WIZ: variants seen among roughly 807,000 people sequenced by gnomAD.
The protein encoded by WIZ is protein Wiz.
Under a neutral mutation model 140.2 loss-of-function variants are expected in WIZ, and 25 were observed. That is an observed-to-expected ratio of 0.18 (90% CI 0.13 to 0.25). The LOEUF (loss-of-function observed/expected upper bound fraction) is 0.25, where lower values mean the gene tolerates loss of function less well. Ranked by LOEUF, WIZ falls within the 10% of genes least tolerant of loss-of-function variation. The pLI is 1.00. For missense variants in WIZ, 2,231 were observed against 2,632.6 expected, an observed-to-expected ratio of 0.85 and a Z score of 3.34; for synonymous variants, 1,125 against 1,154.3, an observed-to-expected ratio of 0.97 and a Z score of 0.51.
At position 15,423,050 on chromosome 19, in the gene WIZ, G is replaced by A. The variant is rs773431130; in HGVS notation, c.*26C>T. On this transcript the variant is annotated 3_prime_UTR_variant, in exon 13 of 13. Transcript: ENST00000673675. Reference sequence around the variant, plus strand: ...GAAGAAGAGGAGACAGAGGTGGCACGAGAGGGGATCTGGAATGCTTTTGTG... The same window carrying A: ...GAAGAAGAGGAGACAGAGGTGGCACAAGAGGGGATCTGGAATGCTTTTGTG... 15 of 1,606,382 alleles carry A rather than the reference G, an allele frequency of 9.3e-6. No individual in the cohort carries two copies. The African/African-American group carries it at 1.7e-4, about 19-fold the overall frequency.
At position 15,438,978 on chromosome 19, in the gene WIZ, C is replaced by T. The variant is rs1402535901; in HGVS notation, c.2016G>A (p.Gln672=). 6 of 1,459,692 alleles carry T rather than the reference C, an allele frequency of 4.1e-6. No homozygotes were observed. In the East Asian group the frequency reaches 1.5e-4, roughly 36 times the overall value. The allele number at this position is 1,459,692 out of a possible 1,614,324, so 90.4% of individuals were successfully genotyped here. Reference sequence around the variant, plus strand: ...TCCCTCGGAGCTGCTGCTGCTGCCCCTGGGTGGCCTCTACTGCCTGCAGGG... The same window carrying T: ...TCCCTCGGAGCTGCTGCTGCTGCCCTTGGGTGGCCTCTACTGCCTGCAGGG... The part of the protein sequence containing the change: ...REALQAVEAT[Q]GQQQQLRGMV... Residue 672 remains glutamine (Q), a synonymous_variant, in exon 4 of 13, where the codon CAG becomes CAA. Coordinates refer to ENST00000673675, the MANE Select transcript of WIZ (RefSeq NM_001371589.1).
intron 5 of WIZ, chr19:15,432,515 G>A (rs1969322634): frequency 2.1e-6 from 2 of 962,130 alleles, no homozygotes; most frequent in Admixed American, 6.4e-5. Context: ...GGCGGTGGCG[G>A]TGGTGGTGGC....
In WIZ at chr19:15,439,661, GGCTGCCAGCCCC is replaced by G; in HGVS notation, c.1321_1332del (p.Gly441_Ser444del). On this transcript the variant is annotated inframe_deletion, in exon 4 of 13. Transcript: ENST00000673675. This position sits in a 1 kb window ranked among gnomAD's most constrained non-coding sequence, Gnocchi z 7.0. The stretch of plus-strand genomic sequence containing the variant: ...AGGAGGGCGCTGGCCTCAGGGCTGG[GGCTGCCAGCCCC>G]GCTGCTGCCTCCAAAAGGCTCTTTG... 1 of 1,501,188 alleles carries G rather than the reference GGCTGCCAGCCCC, an allele frequency of 6.7e-7. No homozygotes were observed. Among genetic ancestry groups the G allele is most frequent in the Middle Eastern group, 1.7e-4 (1 of 5,762 alleles). 93.0% of individuals were successfully genotyped at this position (1,501,188 alleles called of 1,614,324 possible).
Position 15,425,627 on chromosome 19 carries a change from A to G in WIZ, c.4508T>C (p.Ile1503Thr). 1 of 1,613,202 alleles carries G rather than the reference A, an allele frequency of 6.2e-7. No homozygotes were observed. Among genetic ancestry groups the G allele is most frequent in the Non-Finnish European group, 8.5e-7 (1 of 1,179,796 alleles). The change falls in exon 10 of 13, where the codon ATC becomes ACC. Residue 1503 changes from isoleucine (I) to threonine (T), a missense_variant. Ile to Thr is a moderately conservative substitution (Grantham distance 89). This residue lies in a region of WIZ where 393 missense variants were observed against 451.7 expected (regional missense o/e 0.87). Transcript: ENST00000673675. Reference sequence around the variant, plus strand: ...CTTGAGGATCTCTCGCAGTGTGTCGATGGGCGAACCATTGACGGACCACTC... The same window carrying G: ...CTTGAGGATCTCTCGCAGTGTGTCGGTGGGCGAACCATTGACGGACCACTC... ...VTEWSVNGSP[I>T]DTLREILKKK...
At chr19:15,436,659 T>C (rs1334366693) in intron 5 of WIZ, 147 bp downstream of exon 5, 1 of 786,242 alleles carries the variant, frequency 1.3e-6, no homozygotes. Context: ...AGCAGGGTGG[T>C]TGTAAGGAAA....
Position 15,427,960 on chromosome 19 carries a change from C to A in WIZ, c.3814+150G>T. The A allele has an allele frequency of 8.4e-7, 1 of 1,184,240 alleles. No individual in the cohort carries two copies. The highest frequency in any genetic ancestry group is 1.1e-6 in the Non-Finnish European group (1 of 870,400). The allele number at this position is 1,184,240 out of a possible 1,614,324, so 73.4% of individuals were successfully genotyped here. On this transcript the variant is annotated intron_variant, in intron 8 of 12. Coordinates refer to ENST00000673675, the MANE Select transcript of WIZ (RefSeq NM_001371589.1). This position sits in a 1 kb window ranked among gnomAD's most constrained non-coding sequence, Gnocchi z 6.4. The stretch of plus-strand genomic sequence containing the variant: ...AGGCCAAGAGAGAGGGCCTAGCAGC[C>A]CACTGCCAACAAGATCTCTGGGCAG...
rs773017402 is a variant in WIZ, at chr19:15,424,689, G to A, written c.5238C>T (p.Asp1746=). Reference sequence around the variant, plus strand: ...TGGCTGCCAGAGGCCGCTCACCACCGTCGGCTGCCCGGCCAGCCTCGGGCC... The same window carrying A: ...TGGCTGCCAGAGGCCGCTCACCACCATCGGCTGCCCGGCCAGCCTCGGGCC... ...EPGPEAGRAA[D]GGERPLAASP... Residue 1746 remains aspartate, a synonymous_variant, in exon 11 of 13, where the codon GAC becomes GAT. Coordinates refer to ENST00000673675, the MANE Select transcript of WIZ (RefSeq NM_001371589.1). The surrounding 1 kb of genome is among the most constrained non-coding windows in gnomAD (Gnocchi z 9.7). 21 of 1,586,740 alleles carry A rather than the reference G, an allele frequency of 1.3e-5. No individual in the cohort carries two copies. The highest frequency in any genetic ancestry group is 4.5e-5 in the East Asian group (2 of 44,210).
At chr19:15,443,022 C>T (rs1302292542) in intron 2 of WIZ, among the ~76,000 whole-genome samples, 2 of 152,200 alleles carry the variant, frequency 1.3e-5, no homozygotes, top group Non-Finnish European at 2.9e-5. Context: ...TTTTTACAAG[C>T]CTCACCCTGG....
Position 15,427,738 on chromosome 19 carries a change from G to C in WIZ, c.3815-205C>G, listed in dbSNP as rs1599663207. On this transcript the variant is annotated intron_variant, in intron 8 of 12. Coordinates refer to ENST00000673675, the MANE Select transcript of WIZ (RefSeq NM_001371589.1). This position sits in a 1 kb window ranked among gnomAD's most constrained non-coding sequence, Gnocchi z 6.4. ...TGAGGGGAGGCTCCAGAGAGCACAT[G>C]GGCCCTCAGTCCTGGCGGAGGAGGA... 6.6e-6 allele frequency among the ~76,000 whole-genome samples: 1 copy of C among 152,166 alleles called. No individual in the cohort carries two copies. The highest frequency in any genetic ancestry group is 1.9e-4 in the East Asian group (1 of 5,178).
chr19:15,424,485 G>A lies in WIZ; in HGVS notation c.5315-107C>T. The A allele has an allele frequency of 2.0e-6, 3 of 1,529,310 alleles. No individual in the cohort carries two copies. Among genetic ancestry groups the A allele is most frequent in the African/African-American group, 1.4e-5 (1 of 71,424 alleles). The allele number at this position is 1,529,310 out of a possible 1,614,324, so 94.7% of individuals were successfully genotyped here. A position where few individuals can be genotyped will look rare whatever the true frequency, so the allele number is the denominator to read the frequency against. ...TGCTACCTGGATGGGTGGGATGGGG[G>A]ATGGATGGGTGAATGGGTAAGCAAC... On this transcript the variant is annotated intron_variant, in intron 11 of 12. Transcript: ENST00000673675. The surrounding 1 kb of genome is among the most constrained non-coding windows in gnomAD (Gnocchi z 9.7).
At chr19:15,432,591 G>T (rs955123804) in intron 5 of WIZ, 1 of 369,852 alleles carries the variant, frequency 2.7e-6, no homozygotes, top group Non-Finnish European at 3.7e-6. Context: ...GGCTCGGGGG[G>T]CTGGGCGGGG....
Position 15,440,058 on chromosome 19 carries a change from C to A in WIZ, c.936G>T (p.Pro312=). ...TGCACTCGATGCATGGGAACACGGC[C>A]GGCTCCTCGTCCTCGTCCTCATCTG... ...ASPDEDEDEE[P]AVFPCIECSI... is the part of the protein sequence containing the mutation. The change falls in exon 4 of 13, where the codon CCG becomes CCT. Residue 312 remains proline (P), a synonymous_variant. Coordinates refer to ENST00000673675, the MANE Select transcript of WIZ (RefSeq NM_001371589.1). This position sits in a 1 kb window ranked among gnomAD's most constrained non-coding sequence, Gnocchi z 6.2. 1 of 1,535,878 alleles carries A rather than the reference C, an allele frequency of 6.5e-7. No individual in the cohort carries two copies. Among genetic ancestry groups the A allele is most frequent in the Non-Finnish European group, 8.7e-7 (1 of 1,146,778 alleles).
Position 15,425,445 on chromosome 19 carries a change from C to G in WIZ, c.4690G>C (p.Gly1564Arg), listed in dbSNP as rs1242327062. 6.3e-7 allele frequency: 1 copy of G among 1,577,928 alleles called. No individual in the cohort carries two copies. The highest frequency in any genetic ancestry group is 8.6e-7 in the Non-Finnish European group (1 of 1,161,746). Residue 1564 changes from glycine (G) to arginine (R), a missense_variant, in exon 10 of 13, where the codon GGG (glycine) becomes CGG (arginine). By Grantham distance (125) the Gly-to-Arg change is moderately radical. Around this residue, in one of 15 missense-constraint regions of WIZ, gnomAD observed 393 missense variants for 451.7 expected, o/e 0.87. Coordinates refer to ENST00000673675, the MANE Select transcript of WIZ (RefSeq NM_001371589.1). ...AGCTCACGAGGAACCTGGGCCGGCC[C>G]TGCACCTGGTTTGCCTGGCCGGCCA... is the stretch of plus-strand genomic sequence containing the variant. ...LAGRPGKPGA[G>R]PAQVPRELSL...
intron 12 of WIZ, 111 bp from the exon 13 acceptor site, chr19:15,423,346 A>G: frequency 7.3e-7 from 1 of 1,361,156 alleles, no homozygotes; most frequent in South Asian, 1.4e-5. Flanking sequence ...GGACAGAGCC[A>G]GCCCAGGAGG....
At chr19:15,430,498 C>T (rs1466344094) in intron 6 of WIZ, among the ~76,000 whole-genome samples, 2 of 152,194 alleles carry the variant, frequency 1.3e-5, no homozygotes, top group East Asian at 3.9e-4. Flanking sequence ...AACACTGGTC[C>T]TTGCAGTCTC....
In WIZ at chr19:15,431,237, A is replaced by C. The variant is rs1161824371; in HGVS notation, c.2741-55T>G. 3.5e-6 allele frequency: 5 copies of C among 1,435,470 alleles called. No individual in the cohort carries two copies. In the African/African-American group the frequency reaches 5.7e-5, roughly 16 times the overall value. 88.9% of individuals were successfully genotyped at this position (1,435,470 alleles called of 1,614,324 possible). On this transcript the variant is annotated intron_variant, in intron 5 of 12. Transcript: ENST00000673675. ...GACAAATTTCAGGCTGTCTATACCCAGAACTAAGAAGATGGCCTTCTTCCT... is the reference window on the plus strand; with the variant it reads ...GACAAATTTCAGGCTGTCTATACCCCGAACTAAGAAGATGGCCTTCTTCCT...
chr19:15,423,547 A>G (rs1233130596), intron 12 of WIZ, among the ~76,000 whole-genome samples: 1 of 152,138 alleles, frequency 6.6e-6, no homozygotes, highest in African/African-American at 2.4e-5. Flanking sequence ...AGTAGAGGGC[A>G]CAGAGAAGCA....
In WIZ at chr19:15,429,576, C is replaced by G. The variant is rs1236420647; in HGVS notation, c.3415+10G>C. 3 of 1,363,722 alleles carry G rather than the reference C, an allele frequency of 2.2e-6. No homozygotes were observed. Among genetic ancestry groups the G allele is most frequent in the Middle Eastern group, 2.2e-4 (1 of 4,576 alleles). 84.5% of individuals were successfully genotyped at this position (1,363,722 alleles called of 1,614,324 possible). ...CAGAACCTCCCTCGGCTCTTGGGAC[C>G]CACACTCACTGAGGTTCAAGGGCCC... On this transcript the variant is annotated intron_variant, in intron 7 of 12. Coordinates refer to ENST00000673675, the MANE Select transcript of WIZ (RefSeq NM_001371589.1).
intron 5 of WIZ, among the ~76,000 whole-genome samples, chr19:15,433,516 C>A (rs1290795268): frequency 6.6e-6 from 1 of 152,210 alleles, no homozygotes; most frequent in South Asian, 2.1e-4. Flanking sequence ...AACCGCCAAC[C>A]CTCTGCCTCG....
Sources: gnomAD v4.1 joint callset for allele counts (sites outside exome capture counted in the v4.1 genomes callset) on GRCh38, gnomAD v4.1.1 for gene constraint, gnomAD v4.1.1 regional missense constraint, Gnocchi (gnomAD v3.1) non-coding constraint, MANE v1.5 for transcripts, NCBI Gene and HGNC (gene_info 2026-07-23, HGNC 2026-07-21) for gene names.